Variants in ERC1 observed in about 807,000 individuals in gnomAD.
The protein encoded by ERC1 is RAB6 interacting protein 2.
ERC1 carries 56 observed loss-of-function variants against 132.0 expected under a neutral mutation model. That is an observed-to-expected ratio of 0.42 (90% CI 0.34 to 0.53). ERC1 has a LOEUF of 0.53. Ranked by LOEUF, ERC1 falls within the 20% of genes least tolerant of loss-of-function variation. ERC1 has a pLI of 0.03. For missense variants in ERC1, 1,202 were observed against 1,349.9 expected, an observed-to-expected ratio of 0.89 and a Z score of 1.72; for synonymous variants, 478 against 476.1, an observed-to-expected ratio of 1.00 and a Z score of -0.05.
At chr12:1,211,510 A>G (rs563506662) in intron 12 of ERC1, among the ~76,000 whole-genome samples, 3 of 152,266 alleles carry the variant, frequency 2.0e-5, no homozygotes, top group African/African-American at 7.2e-5. Context: ...TAGAAGGAAC[A>G]ATTGGCTTGG....
At chr12:1,009,261 G>T (rs774271092) in intron 1 of ERC1, among the ~76,000 whole-genome samples, 4 of 150,996 alleles carry the variant, frequency 2.6e-5, no homozygotes, top group Non-Finnish European at 5.9e-5. Context: ...TGCAAGCTCC[G>T]CCTCCCGGGT....
chr12:1,058,225 A>G (rs895215138), intron 2 of ERC1, among the ~76,000 whole-genome samples: 2 of 152,108 alleles, frequency 1.3e-5, no homozygotes, highest in Non-Finnish European at 2.9e-5. Context: ...TTTTCTCACC[A>G]GTGCTTTTGA....
intron 18 of ERC1, among the ~76,000 whole-genome samples, chr12:1,456,865 C>T (rs577322173): frequency 2.3e-4 from 35 of 152,002 alleles, no homozygotes; most frequent in African/African-American, 8.0e-4. Context: ...ATTCCCATCC[C>T]CATAATTCTA....
intron 15 of ERC1, among the ~76,000 whole-genome samples, chr12:1,336,975 T>C (rs1244449920): frequency 1.3e-5 from 2 of 152,156 alleles, no homozygotes; most frequent in Non-Finnish European, 1.5e-5. Flanking sequence ...TTGTTCTGTT[T>C]TGTTTTGTTT....
intron 15 of ERC1, among the ~76,000 whole-genome samples, chr12:1,308,492 T>C (rs1298359156): frequency 6.6e-6 from 1 of 152,188 alleles, no homozygotes; most frequent in Admixed American, 6.5e-5. Flanking sequence ...GTCAGTTTCT[T>C]GGCAGTAGGA....
chr12:1,482,037 G>T (rs1040431436), intron 18 of ERC1, among the ~76,000 whole-genome samples: 18 of 152,100 alleles, frequency 1.2e-4, no homozygotes, highest in Admixed American at 1.1e-3. Context: ...TGGTAATGAG[G>T]TGTCTGAAAC....
At chr12:1,046,461 G>A (rs1005555465) in intron 2 of ERC1, among the ~76,000 whole-genome samples, 1 of 152,122 alleles carries the variant, frequency 6.6e-6, no homozygotes, top group African/African-American at 2.4e-5. Flanking sequence ...TCAAAATTCA[G>A]TGTGCATAAA....
chr12:1,289,781 C>G (rs1015577919), intron 14 of ERC1, 71 bp from the exon 15 acceptor site: 4 of 1,246,896 alleles, frequency 3.2e-6, no homozygotes, highest in African/African-American at 1.5e-5. Flanking sequence ...CCAGGAGTTG[C>G]GTGTTACCCA....
intron 16 of ERC1, among the ~76,000 whole-genome samples, chr12:1,381,809 T>C (rs2088703994): frequency 6.6e-6 from 1 of 152,224 alleles, no homozygotes; most frequent in African/African-American, 2.4e-5. Flanking sequence ...TTTCCTAGCC[T>C]GAAGTCACTA....
chr12:991,277 C>CGGTAGTGGCGGCGGCGGT lies in ERC1; in HGVS notation c.-199_-198insAGTGGCGGCGGCGGTGGT. 6.0e-6 allele frequency: 1 copy of CGGTAGTGGCGGCGGCGGT among 165,718 alleles called. No individual in the cohort carries two copies. The highest frequency in any genetic ancestry group is 1.2e-5 in the Non-Finnish European group (1 of 80,340). 10.3% of individuals were successfully genotyped at this position (165,718 alleles called of 1,614,324 possible). On this transcript the variant is annotated 5_prime_UTR_variant, in exon 1 of 19. Coordinates refer to ENST00000360905, the MANE Select transcript of ERC1 (RefSeq NM_178040.4). ...GCGGCGGCGGTAGTGGCGGCGGCGG[C>CGGTAGTGGCGGCGGCGGT]GGTGCCTGGGCGGCAGCAGCAGCAG...
At chr12:1,451,462 T>C (rs1332584364) in intron 18 of ERC1, among the ~76,000 whole-genome samples, 4 of 147,738 alleles carry the variant, frequency 2.7e-5, no homozygotes, top group African/African-American at 8.1e-5. Flanking sequence ...AATTTAAATT[T>C]AAATTTAAAA....
At chr12:1,324,485 A>G (rs535679307) in intron 15 of ERC1, among the ~76,000 whole-genome samples, 2 of 152,290 alleles carry the variant, frequency 1.3e-5, no homozygotes, top group South Asian at 4.1e-4. Flanking sequence ...ACAAATATAT[A>G]TTTTATTTCT....
intron 2 of ERC1, among the ~76,000 whole-genome samples, chr12:1,039,756 G>C (rs533873101): frequency 6.6e-6 from 1 of 152,264 alleles, no homozygotes; most frequent in Non-Finnish European, 1.5e-5. Context: ...TGTGACCTCA[G>C]GTACATGCAT....
intron 12 of ERC1, among the ~76,000 whole-genome samples, chr12:1,203,526 A>G (rs1176929321): frequency 2.0e-5 from 3 of 152,224 alleles, no homozygotes; most frequent in Non-Finnish European, 4.4e-5. Context: ...ACTGAATTAT[A>G]CTTTTGCAAG....
intron 7 of ERC1, among the ~76,000 whole-genome samples, chr12:1,135,205 A>T (rs1236942468): frequency 2.6e-5 from 4 of 152,126 alleles, no homozygotes; most frequent in African/African-American, 9.7e-5. Flanking sequence ...TGTTGCCCTG[A>T]TATCTTATTT....
intron 8 of ERC1, among the ~76,000 whole-genome samples, chr12:1,180,064 T>G (rs1319724423): frequency 6.6e-6 from 1 of 152,214 alleles, no homozygotes; most frequent in Admixed American, 6.5e-5. Flanking sequence ...TTTCTTTATA[T>G]AGCTGATTTG....
At chr12:1,234,699 A>G (rs1479629049) in intron 12 of ERC1, among the ~76,000 whole-genome samples, 1 of 152,206 alleles carries the variant, frequency 6.6e-6, no homozygotes, top group South Asian at 2.1e-4. Context: ...TACTTTTTGT[A>G]AAGGTATAGT....
intron 1 of ERC1, among the ~76,000 whole-genome samples, chr12:1,001,420 A>G (rs1187161994): frequency 6.6e-6 from 1 of 152,238 alleles, no homozygotes; most frequent in Non-Finnish European, 1.5e-5. Context: ...GTAAAGCTTT[A>G]CAATTTATGA....
intron 15 of ERC1, among the ~76,000 whole-genome samples, chr12:1,355,609 G>A (rs2085448538): frequency 6.6e-6 from 1 of 152,208 alleles, no homozygotes; most frequent in Admixed American, 6.5e-5. Context: ...TACTGACCTA[G>A]AGAATAGCTA....
Sources: gnomAD v4.1 joint callset for allele counts (sites outside exome capture counted in the v4.1 genomes callset) on GRCh38, gnomAD v4.1.1 for gene constraint, MANE v1.5 for transcripts, NCBI Gene and HGNC (gene_info 2026-07-23, HGNC 2026-07-21) for gene names.